The following SLC10A7 variants were observed in gnomAD, a reference collection of about 807,000 sequenced individuals.
The protein encoded by SLC10A7 is solute carrier family 10 member 7, also known as sodium/bile acid cotransporter 7.
A neutral mutation model predicts 43.2 loss-of-function variants in SLC10A7; 29 were observed. That is an observed-to-expected ratio of 0.67 (90% CI 0.50 to 0.92). The LOEUF is 0.92. SLC10A7 is among the 40% of genes least tolerant of loss of function. The pLI is 0.00. For missense variants in SLC10A7, 295 were observed against 403.2 expected, an observed-to-expected ratio of 0.73 and a Z score of 2.30; for synonymous variants, 152 against 144.8, an observed-to-expected ratio of 1.05 and a Z score of -0.35.
intron 4 of SLC10A7, among the ~76,000 whole-genome samples, chr4:146,483,883 A>T (rs1734699880): frequency 6.6e-6 from 1 of 152,226 alleles, no homozygotes; most frequent in Admixed American, 6.5e-5. Context: ...AGAGAAAAAG[A>T]AGGTTTTTAT....
chr4:146,415,591 A>G (rs915880687), intron 5 of SLC10A7, among the ~76,000 whole-genome samples: 5 of 152,314 alleles, frequency 3.3e-5, no homozygotes, highest in African/African-American at 1.2e-4. Context: ...AGTCTCAGCA[A>G]TACTGTACCT....
intron 5 of SLC10A7, among the ~76,000 whole-genome samples, chr4:146,431,005 C>G (rs1485420588): frequency 6.6e-6 from 1 of 151,938 alleles, no homozygotes; most frequent in African/African-American, 2.4e-5. Flanking sequence ...TCATAATCCT[C>G]CAAATAAGAA....
intron 4 of SLC10A7, among the ~76,000 whole-genome samples, chr4:146,444,802 T>C (rs901052651): frequency 2.6e-5 from 4 of 152,098 alleles, no homozygotes; most frequent in Non-Finnish European, 5.9e-5. Flanking sequence ...TTTTGTGAAA[T>C]GATTGATTAA....
At chr4:146,265,359 G>C (rs1728487849) in intron 10 of SLC10A7, among the ~76,000 whole-genome samples, 1 of 152,168 alleles carries the variant, frequency 6.6e-6, no homozygotes, top group Non-Finnish European at 1.5e-5. Context: ...ACTGGCTCAG[G>C]GCTGGCACTT....
At chr4:146,362,636 C>A (rs1736124934) in intron 5 of SLC10A7, among the ~76,000 whole-genome samples, 1 of 150,556 alleles carries the variant, frequency 6.6e-6, no homozygotes, top group African/African-American at 2.4e-5. Flanking sequence ...TAGATTAAAT[C>A]TAATAAAAAT....
intron 4 of SLC10A7, among the ~76,000 whole-genome samples, chr4:146,497,436 G>T (rs1412960803): frequency 6.6e-6 from 1 of 151,982 alleles, no homozygotes; most frequent in African/African-American, 2.4e-5. Context: ...TTTCCCTTCA[G>T]ATATTTGAAG....
intron 4 of SLC10A7, among the ~76,000 whole-genome samples, chr4:146,454,989 A>G (rs1313824630): frequency 1.3e-5 from 2 of 151,886 alleles, no homozygotes; most frequent in Non-Finnish European, 2.9e-5. Context: ...GTTATATACT[A>G]TTTGATATTA....
chr4:146,472,105 A>G (rs1237222416), intron 4 of SLC10A7, among the ~76,000 whole-genome samples: 6 of 152,198 alleles, frequency 3.9e-5, no homozygotes, highest in Non-Finnish European at 7.3e-5. Context: ...CTTTTCTATA[A>G]AATATAGTGG....
intron 5 of SLC10A7, among the ~76,000 whole-genome samples, chr4:146,355,515 T>C (rs1411506473): frequency 2.0e-5 from 3 of 151,418 alleles, no homozygotes; most frequent in South Asian, 2.1e-4. Context: ...GAAATACCAT[T>C]TGACCCAGCC....
At chr4:146,310,985 G>A (rs1199911944) in intron 6 of SLC10A7, among the ~76,000 whole-genome samples, 1 of 151,466 alleles carries the variant, frequency 6.6e-6, no homozygotes, top group East Asian at 1.9e-4. Context: ...TGAGGGGAAG[G>A]GGAAGGGGCA....
chr4:146,370,654 T>C (rs1579013400), intron 5 of SLC10A7, among the ~76,000 whole-genome samples: 1 of 152,186 alleles, frequency 6.6e-6, no homozygotes, highest in Admixed American at 6.5e-5. Context: ...TCAGCCTTTT[T>C]TAATCTTCCC....
intron 5 of SLC10A7, among the ~76,000 whole-genome samples, chr4:146,415,271 G>A (rs1218916553): frequency 6.6e-6 from 1 of 152,186 alleles, no homozygotes; most frequent in Non-Finnish European, 1.5e-5. Flanking sequence ...TCAAGAAATA[G>A]TGGGAACTGG....
chr4:146,430,009 C>T (rs1729654931), intron 5 of SLC10A7, among the ~76,000 whole-genome samples: 2 of 147,252 alleles, frequency 1.4e-5, no homozygotes, highest in Admixed American at 1.3e-4. Context: ...AAACGGATCA[C>T]AGGACTAAAT....
intron 5 of SLC10A7, among the ~76,000 whole-genome samples, chr4:146,433,808 T>G (rs1245687811): frequency 6.6e-6 from 1 of 152,258 alleles, no homozygotes; most frequent in East Asian, 1.9e-4. Context: ...GCTATGATCA[T>G]GCCACTGAAC....
intron 6 of SLC10A7, among the ~76,000 whole-genome samples, chr4:146,317,128 G>T (rs1290586452): frequency 1.3e-5 from 2 of 152,048 alleles, no homozygotes; most frequent in African/African-American, 4.8e-5. Flanking sequence ...AGTGTACTCA[G>T]TTCCTTCAAA....
rs777833467 is a variant in SLC10A7 at position 146,283,223 on chromosome 4, A to G, written c.816T>C (p.Ile272=). The G allele has an allele frequency of 3.1e-6, 5 of 1,613,408 alleles. No individual in the cohort carries two copies. The South Asian group carries it at 5.5e-5, about 18-fold the overall frequency. ...TAAGGGATTTGTGTGTAGAACAGAA[A>G]ATGATAGCCACTGTGTCTGCTGGTG... The part of the protein sequence containing the change: ...GFTPADTVAI[I]FCSTHKSLTL... The change falls in exon 10 of 12, where the codon ATT becomes ATC. Residue 272 remains isoleucine, a synonymous_variant. Transcript: ENST00000335472.
At chr4:146,347,000 G>A (rs1734668598) in intron 5 of SLC10A7, among the ~76,000 whole-genome samples, 1 of 152,076 alleles carries the variant, frequency 6.6e-6, no homozygotes. Context: ...AAAAGGTAAA[G>A]GCCAGATAAT....
intron 5 of SLC10A7, among the ~76,000 whole-genome samples, chr4:146,340,252 G>C (rs986756415): frequency 4.0e-5 from 6 of 151,748 alleles, no homozygotes; most frequent in African/African-American, 9.7e-5. Flanking sequence ...AAGGGCAGAA[G>C]GAAAGGCAAT....
intron 5 of SLC10A7, among the ~76,000 whole-genome samples, chr4:146,404,853 G>A (rs1343113953): frequency 6.6e-6 from 1 of 152,092 alleles, no homozygotes; most frequent in Admixed American, 6.5e-5. Flanking sequence ...TAAAGATGAA[G>A]TCTTTACTGA....
Sources: gnomAD v4.1 joint callset for allele counts (sites outside exome capture counted in the v4.1 genomes callset) on GRCh38, gnomAD v4.1.1 for gene constraint, MANE v1.5 for transcripts, NCBI Gene and HGNC (gene_info 2026-07-23, HGNC 2026-07-21) for gene names.